Variants in TNN observed in about 807,000 individuals in gnomAD.
TNN encodes tenascin-N.
A neutral mutation model predicts 134.4 loss-of-function variants in TNN; 122 were observed. The observed-to-expected ratio is 0.91, with a 90% CI of 0.78 to 1.06. The LOEUF is 1.06. Among genes scored for constraint, TNN ranks in the 50% least tolerant of loss-of-function variants. The pLI is 0.00. For synonymous variants in TNN, 710 were observed against 670.3 expected, an observed-to-expected ratio of 1.06 and a Z score of -0.91; for missense variants, 1,739 against 1,699.4, an observed-to-expected ratio of 1.02 and a Z score of -0.41.
intron 11 of TNN, among the ~76,000 whole-genome samples, chr1:175,122,586 C>T (rs1322539633): frequency 6.6e-6 from 1 of 152,150 alleles, no homozygotes; most frequent in Non-Finnish European, 1.5e-5. Flanking sequence ...CACCCAGAAG[C>T]AGTGTAAAGT....
At chr1:175,086,694 A>G (rs1674330973) in intron 6 of TNN, among the ~76,000 whole-genome samples, 1 of 152,256 alleles carries the variant, frequency 6.6e-6, no homozygotes, top group South Asian at 2.1e-4. Flanking sequence ...CAGATTGCTT[A>G]TCTGCAGTAT....
Position 175,116,687 on chromosome 1 carries a change from C to T in TNN, c.2120-252C>T, listed in dbSNP as rs572133402. 1.1e-4 allele frequency among the ~76,000 whole-genome samples: 16 copies of T among 152,330 alleles called. No homozygotes were observed. The South Asian group carries it at 1.7e-3, about 16-fold the overall frequency. ...CAACCTGCACCTCTGCTCTGCCTCT[C>T]TGGGCTGGAACTAGAACCCAGTGCT... is the stretch of plus-strand genomic sequence containing the variant. On this transcript the variant is annotated intron_variant, in intron 9 of 18. Transcript: ENST00000239462.
At chr1:175,111,588 A>C (rs1398820241) in intron 9 of TNN, among the ~76,000 whole-genome samples, 1 of 148,262 alleles carries the variant, frequency 6.7e-6, no homozygotes, top group African/African-American at 2.5e-5. Context: ...TGCTTTTGGG[A>C]GTACAATTTT....
Position 175,079,465 on chromosome 1 carries a change from G to A in TNN, c.542G>A (p.Cys181Tyr). ...CPGACSGHGR[C>Y]VDGRCLCHEP... ...GGGGCGTGCAGCGGCCACGGGCGTT[G>A]CGTGGACGGGCGCTGCCTGTGCCAT... The change falls in exon 3 of 19, where the codon TGC (cysteine) becomes TAC (tyrosine). Residue 181 changes from cysteine to tyrosine, a missense_variant. By Grantham distance (194) the Cys-to-Tyr change is radical (BLOSUM62 -2). Coordinates refer to ENST00000239462, the MANE Select transcript of TNN (RefSeq NM_022093.2). The A allele has an allele frequency of 6.4e-7, 1 of 1,563,756 alleles. No individual in the cohort carries two copies. Among genetic ancestry groups the A allele is most frequent in the Non-Finnish European group, 8.6e-7 (1 of 1,156,982 alleles).
At chr1:175,122,216 T>C (rs548214923) in intron 11 of TNN, among the ~76,000 whole-genome samples, 1 of 75,950 alleles carries the variant, frequency 1.3e-5, no homozygotes, top group Admixed American at 1.4e-4. Flanking sequence ...ATCCTGTCTT[T>C]ACAAAAAAAA....
chr1:175,082,532 C>G (rs1182968200), intron 4 of TNN, among the ~76,000 whole-genome samples: 2 of 152,180 alleles, frequency 1.3e-5, no homozygotes, highest in Admixed American at 1.3e-4. Flanking sequence ...GGAATTCCAT[C>G]TTTAATGGGA....
intron 1 of TNN, among the ~76,000 whole-genome samples, chr1:175,073,621 C>T (rs1381304137): frequency 6.6e-6 from 1 of 152,214 alleles, no homozygotes; most frequent in African/African-American, 2.4e-5. Flanking sequence ...TGGGGCTTTC[C>T]TCCCTCCACT....
At position 175,128,462 on chromosome 1, in the gene TNN, G is replaced by A. The variant is rs1675586805; in HGVS notation, c.3179-133G>A. On this transcript the variant is annotated intron_variant, in intron 14 of 18. Coordinates refer to ENST00000239462, the MANE Select transcript of TNN (RefSeq NM_022093.2). Reference sequence around the variant, plus strand: ...ATGAGAAAAATAAGATATGAGTGAAGAGTTGGAAGAAGCTGAAGTAGGAAG... The same window carrying A: ...ATGAGAAAAATAAGATATGAGTGAAAAGTTGGAAGAAGCTGAAGTAGGAAG... 6.2e-6 allele frequency: 7 copies of A among 1,128,596 alleles called. No homozygotes were observed. The Admixed American group carries it at 1.3e-4, about 22-fold the overall frequency. 69.9% of individuals were successfully genotyped at this position (1,128,596 alleles called of 1,614,324 possible). A position where few individuals can be genotyped will look rare whatever the true frequency, so the allele number is the denominator to read the frequency against.
At chr1:175,109,072 A>ATTTTTTTTTTTTTTTTTTTTTTTTT (rs1160268455) in intron 9 of TNN, among the ~76,000 whole-genome samples, 3 of 61,982 alleles carry the variant, frequency 4.8e-5, no homozygotes, top group Non-Finnish European at 9.5e-5. Flanking sequence ...ATCTAACTGT[A>ATTTTTTTTTTTTTTTTTTTTTTTTT]TTTTTTTTTT....
intron 3 of TNN, 150 bp from the exon 4 acceptor site, chr1:175,080,012 CG>C: frequency 1.9e-6 from 2 of 1,059,266 alleles, no homozygotes; most frequent in Non-Finnish European, 2.7e-6. Flanking sequence ...AATTACCTGT[CG>C]TTCGGATAAT....
At chr1:175,106,925 A>C (rs923064807) in intron 9 of TNN, among the ~76,000 whole-genome samples, 1 of 145,928 alleles carries the variant, frequency 6.9e-6, no homozygotes, top group Non-Finnish European at 1.5e-5. Context: ...CCCGCTAGTC[A>C]CTTTTAAATG....
At chr1:175,135,765 C>A (rs1675786684) in intron 15 of TNN, 80 bp from the exon 16 acceptor site, 3 of 1,129,394 alleles carry the variant, frequency 2.7e-6, no homozygotes, top group Non-Finnish European at 4.0e-6. Context: ...AGTGTATGAG[C>A]AAGCTCTTGG....
Position 175,127,029 on chromosome 1 carries a change from T to C in TNN, c.2989T>C (p.Ser997Pro). The part of the protein sequence containing the change: ...SGGILTWTPP[S>P]AQIHGYILTY... ...TGGCATATTGACCTGGACGCCCCCC[T>C]CTGCTCAGATCCACGGCTACATTCT... Residue 997 changes from serine to proline, a missense_variant, in exon 13 of 19, where the codon TCT becomes CCT. Physicochemically the swap from Ser to Pro is moderately conservative, Grantham distance 74 (BLOSUM62 -1). Transcript: ENST00000239462. 1 of 1,614,128 alleles carries C rather than the reference T, an allele frequency of 6.2e-7. No homozygotes were observed. Among genetic ancestry groups the C allele is most frequent in the Non-Finnish European group, 8.5e-7 (1 of 1,179,992 alleles).
chr1:175,098,431 T>C lies in TNN; in HGVS notation c.1955T>C (p.Val652Ala). The C allele has an allele frequency of 6.2e-7, 1 of 1,614,102 alleles. No individual in the cohort carries two copies. Among genetic ancestry groups the C allele is most frequent in the South Asian group, 1.1e-5 (1 of 91,074 alleles). Residue 652 changes from valine to alanine, a missense_variant, in exon 9 of 19, where the codon GTG becomes GCG. Coordinates refer to ENST00000239462, the MANE Select transcript of TNN (RefSeq NM_022093.2). The stretch of plus-strand genomic sequence containing the variant: ...CAGGCCGCCATTGACAAGTACGTGG[T>C]GCGCTACACCTCTGCTGGTGGAGAG... Reference protein sequence around the residue: ...PVQAAIDKYVVRYTSAGGETR... With the variant: ...PVQAAIDKYVARYTSAGGETR...
At chr1:175,087,775 T>A (rs997532050) in intron 6 of TNN, among the ~76,000 whole-genome samples, 6 of 152,190 alleles carry the variant, frequency 3.9e-5, no homozygotes, top group African/African-American at 1.4e-4. Context: ...TTTCCTCACT[T>A]CAGATGCCTG....
At chr1:175,100,968 A>T (rs1339712497) in intron 9 of TNN, among the ~76,000 whole-genome samples, 2 of 152,210 alleles carry the variant, frequency 1.3e-5, no homozygotes, top group Non-Finnish European at 2.9e-5. Flanking sequence ...GGTAATCAGG[A>T]TATCCATCAG....
At chr1:175,136,695 C>T in intron 16 of TNN, 126 bp from the exon 17 acceptor site, 1 of 824,004 alleles carries the variant, frequency 1.2e-6, no homozygotes, top group Middle Eastern at 3.2e-4. Flanking sequence ...CTGAGACTGC[C>T]CCTTATTAGC....
intron 9 of TNN, among the ~76,000 whole-genome samples, chr1:175,108,470 C>T (rs1422137494): frequency 6.6e-6 from 1 of 152,268 alleles, no homozygotes; most frequent in East Asian, 1.9e-4. Context: ...CTCGTCAGCC[C>T]TTGGGTGGTC....
chr1:175,088,949 A>G (rs1674379636), intron 6 of TNN, among the ~76,000 whole-genome samples: 1 of 152,224 alleles, frequency 6.6e-6, no homozygotes, highest in South Asian at 2.1e-4. Context: ...ATTTAATCAC[A>G]TATGGCCTTG....
Sources: gnomAD v4.1 joint callset for allele counts (sites outside exome capture counted in the v4.1 genomes callset) on GRCh38, gnomAD v4.1.1 for gene constraint, MANE v1.5 for transcripts, NCBI Gene and HGNC (gene_info 2026-07-23, HGNC 2026-07-21) for gene names.